Variants in PCDH7 observed in about 807,000 individuals in gnomAD.
PCDH7 encodes protocadherin 7, also known as protocadherin-7.
A neutral mutation model predicts 58.9 loss-of-function variants in PCDH7; 17 were observed. The ratio of observed to expected loss-of-function variants is 0.29; its 90% CI spans 0.20 to 0.43. The LOEUF (loss-of-function observed/expected upper bound fraction) is 0.43. Ranked by LOEUF, PCDH7 falls within the 20% of genes least tolerant of loss-of-function variation. The probability of loss-of-function intolerance (pLI) is 1.00; values close to 1 mark genes in which losing one functional copy is unlikely to be tolerated. For synonymous variants in PCDH7, 664 were observed against 616.4 expected (o/e 1.08, Z -1.14); for missense variants, 1,274 against 1,441.0 (o/e 0.88, Z 1.88).
chr4:31,008,876 T>C (rs2109148642), intron 3 of PCDH7, among the ~76,000 whole-genome samples: 2 of 152,130 alleles, frequency 1.3e-5, no homozygotes, highest in Middle Eastern at 3.4e-3. Context: ...ACTTCAGTTC[T>C]TTTTTTTCCA....
At chr4:31,043,521 C>A (rs887618913) in intron 3 of PCDH7, among the ~76,000 whole-genome samples, 3 of 152,106 alleles carry the variant, frequency 2.0e-5, no homozygotes, top group Admixed American at 6.6e-5. Flanking sequence ...GATTTGTATT[C>A]TCTAAAGATT....
chr4:30,837,590 T>G (rs1730651762), intron 1 of PCDH7, among the ~76,000 whole-genome samples: 1 of 149,854 alleles, frequency 6.7e-6, no homozygotes, highest in Non-Finnish European at 1.5e-5. Context: ...GTATGTAGAG[T>G]GTTTGAGGGA....
chr4:30,961,200 A>G (rs974260397), intron 3 of PCDH7, among the ~76,000 whole-genome samples: 1 of 152,104 alleles, frequency 6.6e-6, no homozygotes, highest in African/African-American at 2.4e-5. Context: ...AGTTTCATTA[A>G]TATTATATCT....
At chr4:31,050,311 T>C (rs1185986314) in intron 3 of PCDH7, among the ~76,000 whole-genome samples, 1 of 152,188 alleles carries the variant, frequency 6.6e-6, no homozygotes, top group African/African-American at 2.4e-5. Context: ...CATTGTACTC[T>C]GCTATGTAGA....
At chr4:30,857,500 C>G (rs953091293) in intron 1 of PCDH7, among the ~76,000 whole-genome samples, 1 of 152,068 alleles carries the variant, frequency 6.6e-6, no homozygotes, top group African/African-American at 2.4e-5. Context: ...TCCTGCAAAT[C>G]TTACAAGACT....
At chr4:31,116,444 G>A (rs1338259052) in intron 3 of PCDH7, among the ~76,000 whole-genome samples, 1 of 152,206 alleles carries the variant, frequency 6.6e-6, no homozygotes, top group East Asian at 1.9e-4. Flanking sequence ...GTACTCTATT[G>A]ATATCACTTT....
chr4:30,917,393 G>T (rs1456807498), intron 1 of PCDH7, among the ~76,000 whole-genome samples: 1 of 152,074 alleles, frequency 6.6e-6, no homozygotes, highest in Admixed American at 6.6e-5. Flanking sequence ...TGAAGAGCTA[G>T]TGATATAATG....
At chr4:30,765,373 T>TA (rs1264425820) in intron 1 of PCDH7, among the ~76,000 whole-genome samples, 2 of 152,114 alleles carry the variant, frequency 1.3e-5, no homozygotes, top group Non-Finnish European at 2.9e-5. Flanking sequence ...GAATAGAGGC[T>TA]GTTAATTGTC....
intron 3 of PCDH7, among the ~76,000 whole-genome samples, chr4:30,956,698 C>T (rs1405005346): frequency 6.6e-5 from 10 of 152,172 alleles, no homozygotes; most frequent in Admixed American, 5.2e-4. Context: ...TTTGAAATCT[C>T]GTTAACTTTT....
chr4:31,035,150 A>C (rs1161857540), intron 3 of PCDH7, among the ~76,000 whole-genome samples: 1 of 151,854 alleles, frequency 6.6e-6, no homozygotes, highest in African/African-American at 2.4e-5. Flanking sequence ...TGGAGATGGC[A>C]TCTCTTCCAG....
At chr4:30,758,862 C>G (rs1245591075) in intron 1 of PCDH7, among the ~76,000 whole-genome samples, 1 of 151,036 alleles carries the variant, frequency 6.6e-6, no homozygotes, top group Non-Finnish European at 1.5e-5. Context: ...CTTAGAAACT[C>G]TAGCACATTA....
intron 1 of PCDH7, among the ~76,000 whole-genome samples, chr4:30,880,946 A>C (rs6811147): frequency 0.37 from 55,989 of 151,914 alleles, 10,765 homozygotes; most frequent in African/African-American, 0.44. Context: ...TCCTTGCTTT[A>C]CTCTGTGTTA....
intron 1 of PCDH7, among the ~76,000 whole-genome samples, chr4:30,760,286 T>A (rs1451110485): frequency 3.9e-5 from 6 of 152,148 alleles, no homozygotes; most frequent in African/African-American, 1.4e-4. Flanking sequence ...AAAACACTTA[T>A]CAAGGTCCAC....
intron 1 of PCDH7, among the ~76,000 whole-genome samples, chr4:30,838,925 C>T (rs1174397205): frequency 6.6e-6 from 1 of 152,044 alleles, no homozygotes; most frequent in Non-Finnish European, 1.5e-5. Context: ...CATCTCCCTA[C>T]TTTCTTCCTA....
At chr4:31,120,441 C>CTTTT (rs138878762) in intron 3 of PCDH7, among the ~76,000 whole-genome samples, 1 of 107,996 alleles carries the variant, frequency 9.3e-6, no homozygotes, top group Admixed American at 9.5e-5. Flanking sequence ...CTATTTTTTT[C>CTTTT]TTTTTTTTTT....
chr4:30,997,923 A>G (rs1337835567), intron 3 of PCDH7, among the ~76,000 whole-genome samples: 10 of 151,988 alleles, frequency 6.6e-5, no homozygotes, highest in Middle Eastern at 3.2e-3. Context: ...GTGTGTGTGG[A>G]GGCTTCAGCA....
At chr4:30,878,228 A>G (rs1329955967) in intron 1 of PCDH7, among the ~76,000 whole-genome samples, 1 of 152,088 alleles carries the variant, frequency 6.6e-6, no homozygotes, top group Non-Finnish European at 1.5e-5. Flanking sequence ...ACCACCCTTA[A>G]AGAGTTGTGA....
chr4:30,761,654 T>C (rs944016272), intron 1 of PCDH7, among the ~76,000 whole-genome samples: 5 of 152,198 alleles, frequency 3.3e-5, no homozygotes, highest in African/African-American at 1.2e-4. Flanking sequence ...TGAGACAGCA[T>C]AACTTGGGAT....
rs368404594 is a variant in PCDH7, at chr4:30,875,163, C to T, written c.71-44990C>T. On this transcript the variant is annotated intron_variant, in intron 1 of 3. Coordinates refer to the PCDH7 transcript ENST00000509759. ...AAATCCAAAATCAAGGTGGTTGCAC[C>T]GTTGATTCCTTCAGGAAGGAGCTGT... 2.8e-4 allele frequency among the ~76,000 whole-genome samples: 43 copies of T among 152,134 alleles called. 1 individual carries two copies. The South Asian group carries it at 6.2e-3, about 22-fold the overall frequency.
Sources: gnomAD v4.1 joint callset for allele counts (sites outside exome capture counted in the v4.1 genomes callset) on GRCh38, gnomAD v4.1.1 for gene constraint, MANE v1.5 for transcripts, NCBI Gene and HGNC (gene_info 2026-07-23, HGNC 2026-07-21) for gene names.